Variants in CPNE4 observed in about 807,000 individuals in gnomAD.
CPNE4 encodes the protein copine-4.
In CPNE4, 25 loss-of-function variants were observed where a neutral mutation model predicts 67.9. That is an observed-to-expected ratio of 0.37 (90% CI 0.27 to 0.51). The LOEUF is 0.51. Among genes scored for constraint, CPNE4 ranks in the 20% least tolerant of loss-of-function variants. The pLI is 0.93. For synonymous variants in CPNE4, 242 were observed against 244.9 expected (o/e 0.99, Z 0.11); for missense variants, 464 against 690.8 (o/e 0.67, Z 3.68).
At chr3:131,952,897 AG>A in intron 1 of CPNE4, among the ~76,000 whole-genome samples, 1 of 152,332 alleles carries the variant, frequency 6.6e-6, no homozygotes, top group African/African-American at 2.4e-5. Flanking sequence ...TTCTGTACTA[AG>A]AAAAATTATT....
intron 2 of CPNE4, among the ~76,000 whole-genome samples, chr3:131,865,446 G>A (rs2086900405): frequency 6.6e-6 from 1 of 151,948 alleles, no homozygotes; most frequent in African/African-American, 2.4e-5. Context: ...TATTCTTAAA[G>A]ACCCCTCCCA....
At chr3:131,588,501 T>C (rs1938326446) in intron 7 of CPNE4, among the ~76,000 whole-genome samples, 2 of 152,214 alleles carry the variant, frequency 1.3e-5, no homozygotes, top group Non-Finnish European at 1.5e-5. Flanking sequence ...GAGGTTTTCC[T>C]TGGAATATTG....
intron 1 of CPNE4, among the ~76,000 whole-genome samples, chr3:131,952,801 G>T (rs956644831): frequency 1.6e-4 from 24 of 152,184 alleles, no homozygotes; most frequent in Non-Finnish European, 2.2e-4. Context: ...GAATAGAAAG[G>T]GGGGAAAGGT....
intron 5 of CPNE4, among the ~76,000 whole-genome samples, chr3:131,694,635 G>C (rs2081108357): frequency 6.6e-6 from 1 of 152,134 alleles, no homozygotes; most frequent in South Asian, 2.1e-4. Context: ...TTGTTCTCTT[G>C]AAATGCTTTC....
chr3:131,947,690 T>A (rs1002090203), intron 1 of CPNE4, among the ~76,000 whole-genome samples: 1 of 152,230 alleles, frequency 6.6e-6, no homozygotes, highest in Non-Finnish European at 1.5e-5. Context: ...GGTGCTGCAA[T>A]AAACATACGT....
At chr3:131,809,866 A>C (rs1329970922) in intron 2 of CPNE4, among the ~76,000 whole-genome samples, 1 of 152,150 alleles carries the variant, frequency 6.6e-6, no homozygotes, top group African/African-American at 2.4e-5. Context: ...TTAAGTAATC[A>C]GGATATTAGA....
intron 1 of CPNE4, among the ~76,000 whole-genome samples, chr3:131,952,326 G>A (rs1298482273): frequency 7.3e-5 from 11 of 149,742 alleles, no homozygotes; most frequent in African/African-American, 2.7e-4. Context: ...CCTCTGCCTG[G>A]CAACCACCCC....
intron 12 of CPNE4, among the ~76,000 whole-genome samples, chr3:131,553,967 G>A (rs1424244866): frequency 1.3e-5 from 2 of 152,054 alleles, no homozygotes; most frequent in East Asian, 3.9e-4. Flanking sequence ...ATGGAGTTAG[G>A]GGATCAAGTG....
chr3:132,012,117 T>C (rs1042417297), intron 1 of CPNE4, among the ~76,000 whole-genome samples: 1 of 151,824 alleles, frequency 6.6e-6, no homozygotes, highest in Non-Finnish European at 1.5e-5. Context: ...ACAGGCAATA[T>C]ATAAAATCAT....
At chr3:131,720,360 A>G (rs1181625057) in intron 3 of CPNE4, among the ~76,000 whole-genome samples, 1 of 147,602 alleles carries the variant, frequency 6.8e-6, no homozygotes, top group African/African-American at 2.5e-5. Context: ...TCTCGGCTCA[A>G]TGCAACCTCT....
intron 1 of CPNE4, chr3:131,985,941 G>A (rs2073030935): frequency 6.5e-6 from 1 of 154,114 alleles, no homozygotes; most frequent in Admixed American, 6.5e-5. Context: ...AGACAATAGT[G>A]ACTATTGGAA....
chr3:131,837,185 AC>A (rs1308572172), intron 2 of CPNE4, among the ~76,000 whole-genome samples: 1 of 152,122 alleles, frequency 6.6e-6, no homozygotes, highest in African/African-American at 2.4e-5. Context: ...TTATAAACTG[AC>A]AAATATGACT....
In CPNE4 at chr3:131,552,577, G is replaced by A. The variant is rs1582780872; in HGVS notation, c.1117-86C>T. The A allele has an allele frequency of 7.0e-6, 7 of 1,000,664 alleles. No individual in the cohort carries two copies. In the Admixed American group the frequency reaches 1.3e-4, roughly 18 times the overall value. The allele number at this position is 1,000,664 out of a possible 1,614,324, so 62.0% of individuals were successfully genotyped here. On this transcript the variant is annotated intron_variant, in intron 12 of 15. Transcript: ENST00000429747. The stretch of plus-strand genomic sequence containing the variant: ...AAGAAGGCACTGGGGTTTAGAGTTT[G>A]CAAACAAATGCCCATTATATTCATT...
intron 6 of CPNE4, among the ~76,000 whole-genome samples, chr3:131,681,184 A>T (rs776372544): frequency 1.2e-4 from 19 of 152,218 alleles, no homozygotes; most frequent in Non-Finnish European, 2.2e-4. Flanking sequence ...TACACACCAC[A>T]ATTAGAGCAT....
intron 7 of CPNE4, among the ~76,000 whole-genome samples, chr3:131,648,613 A>G (rs958550563): frequency 5.3e-5 from 8 of 152,224 alleles, no homozygotes; most frequent in Non-Finnish European, 7.3e-5. Flanking sequence ...AATTACTTAT[A>G]ATTGTTAAAG....
chr3:131,553,890 G>A (rs1203365978), intron 12 of CPNE4, among the ~76,000 whole-genome samples: 2 of 152,082 alleles, frequency 1.3e-5, no homozygotes, highest in Non-Finnish European at 2.9e-5. Flanking sequence ...TAGGGGACCC[G>A]AAATGGGGAA....
intron 2 of CPNE4, among the ~76,000 whole-genome samples, chr3:131,795,888 AAG>A (rs1326651300): frequency 3.9e-5 from 6 of 152,148 alleles, no homozygotes; most frequent in Non-Finnish European, 7.4e-5. Context: ...TCCTCCCTTG[AAG>A]AGTCTGTTTT....
chr3:131,879,193 T>C lies in CPNE4; in HGVS notation c.180+26071A>G, dbSNP rs114507075. On this transcript the variant is annotated intron_variant, in intron 2 of 15. Transcript: ENST00000429747. The stretch of plus-strand genomic sequence containing the variant: ...GTCAGTGAGTAAAAATCACATGGAG[T>C]GTATGAGATTGTCTAAGAGACAAAA... Among the ~76,000 whole-genome samples, 655 of 152,090 alleles carry C rather than the reference T, an allele frequency of 4.3e-3. 4 individuals carry two copies. The highest frequency in any genetic ancestry group is 0.015 in the African/African-American group (630 of 41,474).
chr3:131,846,894 C>T (rs1017754032), intron 2 of CPNE4, among the ~76,000 whole-genome samples: 1 of 152,160 alleles, frequency 6.6e-6, no homozygotes, highest in Non-Finnish European at 1.5e-5. Flanking sequence ...AAGGTGGACA[C>T]TCCCGGAAAA....
Sources: allele counts gnomAD v4.1 joint callset (sites outside exome capture counted in the v4.1 genomes callset), GRCh38; gene constraint gnomAD v4.1.1; transcripts MANE v1.5; gene names NCBI Gene and HGNC (gene_info 2026-07-23, HGNC 2026-07-21).